DAB2IP: variants seen among roughly 807,000 people sequenced by gnomAD.
DAB2IP encodes the protein disabled homolog 2-interacting protein.
Under a neutral mutation model 107.2 loss-of-function variants are expected in DAB2IP, and 28 were observed. The observed-to-expected ratio is 0.26, with a 90% CI of 0.19 to 0.36. The LOEUF (loss-of-function observed/expected upper bound fraction) is 0.36. DAB2IP is among the 10% of genes least tolerant of loss of function. DAB2IP has a pLI of 1.00. For synonymous variants in DAB2IP, 755 were observed against 706.4 expected (o/e 1.07, Z -1.09); for missense variants, 1,400 against 1,644.7 (o/e 0.85, Z 2.57).
chr9:121,737,621 G>C (rs1216052980), intron 3 of DAB2IP: 5 of 985,306 alleles, frequency 5.1e-6, no homozygotes, highest in Non-Finnish European at 6.0e-6. Context: ...CTGGAGACCT[G>C]GCCATCTTCG....
intron 1 of DAB2IP, among the ~76,000 whole-genome samples, chr9:121,659,962 TGCC>T (rs1260889061): frequency 6.6e-6 from 1 of 151,896 alleles, no homozygotes; most frequent in Non-Finnish European, 1.5e-5. Context: ...GTGACCTGGG[TGCC>T]AGGGGCTGCC....
intron 3 of DAB2IP, among the ~76,000 whole-genome samples, chr9:121,704,522 G>A (rs1166958201): frequency 6.6e-6 from 1 of 152,186 alleles, no homozygotes; most frequent in Non-Finnish European, 1.5e-5. Context: ...CCTCTTGCAG[G>A]ATTCTTGGTT....
chr9:121,744,743 G>A (rs1361817682), intron 3 of DAB2IP, among the ~76,000 whole-genome samples: 1 of 152,212 alleles, frequency 6.6e-6, no homozygotes, highest in Non-Finnish European at 1.5e-5. Context: ...TGTGAATCGT[G>A]ACCTCAGGCA....
chr9:121,673,756 G>A (rs7029095), intron 1 of DAB2IP, among the ~76,000 whole-genome samples: 12,740 of 152,178 alleles, frequency 0.084, 871 homozygotes, highest in African/African-American at 0.19. Flanking sequence ...GGGAAGGTGT[G>A]TGGGGTGTCA....
intron 1 of DAB2IP, among the ~76,000 whole-genome samples, chr9:121,675,958 A>T (rs1833885056): frequency 6.6e-6 from 1 of 152,158 alleles, no homozygotes; most frequent in Non-Finnish European, 1.5e-5. Flanking sequence ...GACTAGAGAG[A>T]TTGTGGAGGA....
chr9:121,695,050 A>C (rs1829351189), intron 2 of DAB2IP, among the ~76,000 whole-genome samples: 1 of 152,114 alleles, frequency 6.6e-6, no homozygotes, highest in Non-Finnish European at 1.5e-5. Flanking sequence ...TGCTCCAGTG[A>C]ATGAAAGCTG....
At chr9:121,777,260 G>A (rs532252631) in intron 14 of DAB2IP, among the ~76,000 whole-genome samples, 32 of 152,310 alleles carry the variant, frequency 2.1e-4, no homozygotes, top group African/African-American at 7.7e-4. Context: ...GAGCCAGGAA[G>A]GCCTCTGCTC....
At position 121,571,287 on chromosome 9, in the gene DAB2IP, G is replaced by A. The variant is rs150192051; in HGVS notation, c.40+4059G>A. ...ACCTGCATCTCCCGTGAGTCTCTAA[G>A]CAATCTGGATCCCCAGAGCATAGTT... On this transcript the variant is annotated intron_variant, in intron 1 of 16. Transcript: ENST00000259371. Among the ~76,000 whole-genome samples, 18 of 152,246 alleles carry A rather than the reference G, an allele frequency of 1.2e-4. No homozygotes were observed. The East Asian group carries it at 3.3e-3, about 28-fold the overall frequency.
At chr9:121,576,423 C>T (rs1830058132) in intron 1 of DAB2IP, among the ~76,000 whole-genome samples, 1 of 151,510 alleles carries the variant, frequency 6.6e-6, no homozygotes, top group Non-Finnish European at 1.5e-5. Flanking sequence ...TTAGCCTTCC[C>T]TACTACCCCT....
chr9:121,680,011 C>G (rs1270727653), intron 2 of DAB2IP, among the ~76,000 whole-genome samples: 1 of 152,214 alleles, frequency 6.6e-6, no homozygotes, highest in Non-Finnish European at 1.5e-5. Flanking sequence ...CAAGGAAGCC[C>G]TCTTGCTTTT....
At chr9:121,742,589 C>G (rs1304744608) in intron 3 of DAB2IP, among the ~76,000 whole-genome samples, 1 of 152,224 alleles carries the variant, frequency 6.6e-6, no homozygotes, top group African/African-American at 2.4e-5. Flanking sequence ...ATTCCAGTAA[C>G]TAGGCAGGCC....
intron 2 of DAB2IP, among the ~76,000 whole-genome samples, chr9:121,692,731 C>T (rs1829222913): frequency 6.6e-6 from 1 of 152,208 alleles, no homozygotes; most frequent in African/African-American, 2.4e-5. Flanking sequence ...TAAGGTGCCT[C>T]CCCTCTTTCG....
chr9:121,582,512 C>T (rs1830221857), intron 1 of DAB2IP, among the ~76,000 whole-genome samples: 1 of 152,066 alleles, frequency 6.6e-6, no homozygotes, highest in Non-Finnish European at 1.5e-5. Flanking sequence ...AGGTCTGGCC[C>T]CACATCCCCT....
At chr9:121,752,510 C>A (rs1564200576) in intron 3 of DAB2IP, among the ~76,000 whole-genome samples, 1 of 152,230 alleles carries the variant, frequency 6.6e-6, no homozygotes, top group Non-Finnish European at 1.5e-5. Flanking sequence ...ATATGGCTGT[C>A]TGCCCAGGGA....
intron 3 of DAB2IP, among the ~76,000 whole-genome samples, chr9:121,748,114 T>C (rs905414655): frequency 1.3e-5 from 2 of 152,212 alleles, no homozygotes; most frequent in Non-Finnish European, 2.9e-5. Context: ...GTAGCAGTTA[T>C]GATAGTTTAT....
At chr9:121,574,716 C>T (rs1190942361) in intron 1 of DAB2IP, among the ~76,000 whole-genome samples, 2 of 152,132 alleles carry the variant, frequency 1.3e-5, no homozygotes, top group Non-Finnish European at 1.5e-5. Flanking sequence ...CCACTTTGGG[C>T]TGCTCCCACC....
intron 3 of DAB2IP, among the ~76,000 whole-genome samples, chr9:121,712,702 C>G (rs1477522440): frequency 6.6e-6 from 1 of 152,194 alleles, no homozygotes; most frequent in Non-Finnish European, 1.5e-5. Flanking sequence ...CATGAGTACT[C>G]TTGAAAGGCC....
rs1474344640 is a variant in DAB2IP, at chr9:121,696,537, C to T, written c.229-2788C>T. ...ACAGCAGAAAAGGTTTGCCTCCCTT[C>T]ATCTGGCGAAGAGGGAGAGGACGCC... On this transcript the variant is annotated intron_variant, in intron 2 of 15. Coordinates refer to ENST00000408936, the Ensembl canonical transcript of DAB2IP. Among the ~76,000 whole-genome samples the T allele has an allele frequency of 2.0e-5, 3 of 152,296 alleles. No homozygotes were observed. In the East Asian group the frequency reaches 5.8e-4, roughly 29 times the overall value.
chr9:121,616,198 C>T (rs929168131), intron 1 of DAB2IP, among the ~76,000 whole-genome samples: 3 of 152,122 alleles, frequency 2.0e-5, no homozygotes, highest in East Asian at 1.9e-4. Context: ...AGGATGCAGG[C>T]GAGGGAGGGG....
Sources: allele counts gnomAD v4.1 joint callset (sites outside exome capture counted in the v4.1 genomes callset), GRCh38; gene constraint gnomAD v4.1.1; transcripts MANE v1.5; gene names NCBI Gene and HGNC (gene_info 2026-07-23, HGNC 2026-07-21).